The following DNAH11 variants were observed in gnomAD, a reference collection of about 807,000 sequenced individuals.
DNAH11 encodes the protein dynein axonemal heavy chain 11.
DNAH11 carries 442 observed loss-of-function variants against 526.0 expected under a neutral mutation model. The ratio of observed to expected loss-of-function variants is 0.84; its 90% CI spans 0.78 to 0.91. The LOEUF (loss-of-function observed/expected upper bound fraction) is 0.91, where lower values mean the gene tolerates loss of function less well. DNAH11 is among the 40% of genes least tolerant of loss of function. DNAH11 has a pLI of 0.00. For missense variants in DNAH11, 6,989 were observed against 5,448.7 expected (o/e 1.28, Z -8.90); for synonymous variants, 2,461 against 1,935.9 (o/e 1.27, Z -7.12).
chr7:21,852,085 T>C (rs1782660811), intron 66 of DNAH11, among the ~76,000 whole-genome samples: 1 of 152,050 alleles, frequency 6.6e-6, no homozygotes, highest in South Asian at 2.1e-4. Flanking sequence ...TCCATGAAAT[T>C]TGTGATTAAG....
At chr7:21,842,984 G>A (rs1782273712) in intron 66 of DNAH11, among the ~76,000 whole-genome samples, 1 of 152,144 alleles carries the variant, frequency 6.6e-6, no homozygotes, top group South Asian at 2.1e-4. Context: ...TTGTTTGAGG[G>A]CAAACAAAGA....
In DNAH11 at chr7:21,739,644, G is replaced by C. The variant is rs777565689; in HGVS notation, c.7885G>C (p.Gly2629Arg). The C allele has an allele frequency of 5.0e-6, 8 of 1,612,532 alleles. No individual in the cohort carries two copies. Residue 2629 changes from glycine (G) to arginine (R), a missense_variant, in exon 48 of 82, where the codon GGC (glycine) becomes CGC (arginine). Gly to Arg is a moderately radical substitution (Grantham distance 125). Transcript: ENST00000409508. ...TGTCGCCTGCATGAATCCGATGGTGGGCAGCTTCACCATCAATCCCAGGCT... is the reference window on the plus strand; with the variant it reads ...TGTCGCCTGCATGAATCCGATGGTGCGCAGCTTCACCATCAATCCCAGGCT... ...QYVACMNPMV[G>R]SFTINPRLQR...
intron 71 of DNAH11, among the ~76,000 whole-genome samples, chr7:21,867,294 G>T (rs1177740697): frequency 6.6e-6 from 1 of 152,166 alleles, no homozygotes; most frequent in African/African-American, 2.4e-5. Context: ...TGTGCCTCAG[G>T]TTTTTTCCTT....
intron 54 of DNAH11, among the ~76,000 whole-genome samples, chr7:21,765,204 G>A (rs1202445132): frequency 7.1e-6 from 1 of 141,086 alleles, no homozygotes; most frequent in East Asian, 2.3e-4. Flanking sequence ...CAAGTTTTAA[G>A]GAAAGTACAC....
chr7:21,601,890 T>C (rs1165977269), intron 18 of DNAH11, among the ~76,000 whole-genome samples: 1 of 152,156 alleles, frequency 6.6e-6, no homozygotes, highest in Non-Finnish European at 1.5e-5. Flanking sequence ...AGAAAGAATG[T>C]AGATTGTAAA....
chr7:21,876,249 A>T (rs900078652), intron 74 of DNAH11, among the ~76,000 whole-genome samples: 2 of 152,192 alleles, frequency 1.3e-5, no homozygotes, highest in African/African-American at 4.8e-5. Flanking sequence ...CTTGATGTTA[A>T]GTAGCAAAAG....
intron 55 of DNAH11, among the ~76,000 whole-genome samples, chr7:21,765,820 G>T (rs143452235): frequency 1.3e-5 from 2 of 152,222 alleles, no homozygotes; most frequent in East Asian, 3.9e-4. Flanking sequence ...ATGTGCACAC[G>T]TGCGTGAACA....
chr7:21,868,090 A>G (rs1583791704), intron 72 of DNAH11, 83 bp downstream of exon 72: 1 of 1,113,494 alleles, frequency 9.0e-7, no homozygotes, highest in Admixed American at 4.6e-5. Context: ...TTCAGTTCAC[A>G]GTGATCTTAG....
At position 21,787,544 on chromosome 7, in the gene DNAH11, C is replaced by A; in HGVS notation, c.9885C>A (p.Gly3295=). 6.2e-7 allele frequency: 1 copy of A among 1,612,866 alleles called. No individual in the cohort carries two copies. The highest frequency in any genetic ancestry group is 8.5e-7 in the Non-Finnish European group (1 of 1,179,452). ...GAACCAAATCTTTTGCAGCAGCTGGCCTGTGTGCCTGGGTCATCAACATCA... is the reference window on the plus strand; with the variant it reads ...GAACCAAATCTTTTGCAGCAGCTGGACTGTGTGCCTGGGTCATCAACATCA... ...LIRTKSFAAA[G]LCAWVINIIK... The change falls in exon 60 of 82, where the codon GGC becomes GGA. Residue 3295 remains glycine (G), a synonymous_variant. Coordinates refer to ENST00000409508, the MANE Select transcript of DNAH11 (RefSeq NM_001277115.2).
chr7:21,629,599 G>A (rs1177229085), intron 25 of DNAH11, among the ~76,000 whole-genome samples: 1 of 152,094 alleles, frequency 6.6e-6, no homozygotes, highest in Non-Finnish European at 1.5e-5. Context: ...GAGTTTAGGT[G>A]TTGGGTGCAC....
At chr7:21,571,530 T>G (rs1047803560) in intron 7 of DNAH11, among the ~76,000 whole-genome samples, 1 of 152,154 alleles carries the variant, frequency 6.6e-6, no homozygotes, top group African/African-American at 2.4e-5. Flanking sequence ...TCCTCCTGCC[T>G]CGGCCTCCCA....
chr7:21,621,801 T>C (rs940674679), intron 25 of DNAH11, among the ~76,000 whole-genome samples: 33 of 152,124 alleles, frequency 2.2e-4, no homozygotes, highest in African/African-American at 7.5e-4. Flanking sequence ...ATAAATTAGG[T>C]ATTGATGGGA....
intron 68 of DNAH11, among the ~76,000 whole-genome samples, chr7:21,858,940 A>G (rs1308615538): frequency 6.6e-6 from 1 of 152,196 alleles, no homozygotes; most frequent in Non-Finnish European, 1.5e-5. Flanking sequence ...CCTAATCCAA[A>G]AACCAGAATG....
chr7:21,623,127 A>G (rs923784007), intron 25 of DNAH11, among the ~76,000 whole-genome samples: 6 of 152,062 alleles, frequency 3.9e-5, no homozygotes, highest in Non-Finnish European at 7.4e-5. Context: ...TACAAGAAAA[A>G]AACAACCCCA....
At chr7:21,763,597 G>T (rs1469767881) in intron 54 of DNAH11, among the ~76,000 whole-genome samples, 1 of 151,328 alleles carries the variant, frequency 6.6e-6, no homozygotes, top group Non-Finnish European at 1.5e-5. Flanking sequence ...CAGTATGGTC[G>T]TTCCTCAAAA....
chr7:21,543,291 G>T lies in DNAH11; in HGVS notation c.46G>T (p.Ala16Ser), dbSNP rs1425064903. Reference protein sequence around the residue: ...AAREARDFREAPTLRLTSGAG... With the variant: ...AAREARDFRESPTLRLTSGAG... ...CCGGGAGGCGCGAGACTTCAGAGAA[G>T]CCCCGACCCTTCGCCTAACCTCGGG... Residue 16 changes from alanine to serine, a missense_variant, in exon 1 of 82, where the codon GCC becomes TCC. Ala to Ser is a moderately conservative substitution (Grantham distance 99). Coordinates refer to ENST00000409508, the MANE Select transcript of DNAH11 (RefSeq NM_001277115.2). 6.5e-7 allele frequency: 1 copy of T among 1,547,830 alleles called. No homozygotes were observed.
intron 63 of DNAH11, among the ~76,000 whole-genome samples, chr7:21,814,593 C>T (rs1789691363): frequency 1.4e-5 from 2 of 146,726 alleles, no homozygotes; most frequent in South Asian, 4.3e-4. Flanking sequence ...TCAATTCCCA[C>T]CTATGAGTGA....
rs534629301 is a variant in DNAH11, at chr7:21,594,098, A to ACACACACACACACACT, written c.2667+2522_2667+2523insACACACACACACACTC. On this transcript the variant is annotated intron_variant, in intron 14 of 81. Transcript: ENST00000409508. ...CACACACACACACACACACACACAC[A>ACACACACACACACACT]CTCTGAAGCCATCATGAAGTAGCAC... 1.1e-3 allele frequency among the ~76,000 whole-genome samples: 165 copies of ACACACACACACACACT among 148,064 alleles called. 2 individuals are homozygous for ACACACACACACACACT. In the East Asian group the frequency reaches 0.029, roughly 26 times the overall value.
chr7:21,610,587 T>C (rs570808857), intron 20 of DNAH11, among the ~76,000 whole-genome samples: 33 of 152,084 alleles, frequency 2.2e-4, no homozygotes, highest in Admixed American at 3.9e-4. Context: ...GTTTCAGATA[T>C]TAGAAGGAAA....
Sources: allele counts gnomAD v4.1 joint callset (sites outside exome capture counted in the v4.1 genomes callset), GRCh38; gene constraint gnomAD v4.1.1; transcripts MANE v1.5; gene names NCBI Gene and HGNC (gene_info 2026-07-23, HGNC 2026-07-21).